The following PLCE1 variants were observed in gnomAD, a reference collection of about 807,000 sequenced individuals.
The protein encoded by PLCE1 is 1-phosphatidylinositol 4,5-bisphosphate phosphodiesterase epsilon-1.
PLCE1 carries 119 observed loss-of-function variants against 242.8 expected under a neutral mutation model. The ratio of observed to expected loss-of-function variants is 0.49; its 90% CI spans 0.42 to 0.57. PLCE1 has a LOEUF of 0.57. Ranked by LOEUF, PLCE1 falls within the 20% of genes least tolerant of loss-of-function variation. The pLI, the probability that PLCE1 is intolerant of heterozygous loss-of-function variation, is 0.00. For synonymous variants in PLCE1, 945 were observed against 1,017.4 expected (o/e 0.93, Z 1.35); for missense variants, 2,441 against 2,788.8 (o/e 0.88, Z 2.81).
chr10:94,316,963 C>A (rs1456889230), intron 29 of PLCE1, among the ~76,000 whole-genome samples: 1 of 152,190 alleles, frequency 6.6e-6, no homozygotes, highest in Non-Finnish European at 1.5e-5. Flanking sequence ...TAAAAAACAT[C>A]CCTTAGACCG....
intron 5 of PLCE1, among the ~76,000 whole-genome samples, chr10:94,233,760 C>G (rs1319320691): frequency 6.6e-6 from 1 of 151,974 alleles, no homozygotes; most frequent in Non-Finnish European, 1.5e-5. Flanking sequence ...CCAGCTTGGC[C>G]AACATGGCGA....
At chr10:94,087,685 C>T (rs2044884824) in intron 2 of PLCE1, among the ~76,000 whole-genome samples, 1 of 152,148 alleles carries the variant, frequency 6.6e-6, no homozygotes, top group Non-Finnish European at 1.5e-5. Context: ...TCAAGCCATC[C>T]TCCCACTTCG....
At position 94,270,500 on chromosome 10, in the gene PLCE1, C is replaced by T; in HGVS notation, c.4404C>T (p.Ala1468=). ...TKIPFKEVVE[A]IDRSAFINSD... Reference sequence around the variant, plus strand: ...GGCTCTCATAGGAAGTGGTTGAAGCCATTGATCGCAGTGCCTTCATCAACT... The same window carrying T: ...GGCTCTCATAGGAAGTGGTTGAAGCTATTGATCGCAGTGCCTTCATCAACT... The change falls in exon 18 of 33, where the codon GCC becomes GCT. Residue 1468 remains alanine (A), a synonymous_variant. Transcript: ENST00000371380. The T allele has an allele frequency of 2.5e-6, 4 of 1,612,274 alleles. No individual in the cohort carries two copies. The highest frequency in any genetic ancestry group is 3.4e-6 in the Non-Finnish European group (4 of 1,178,402).
At chr10:94,146,872 A>G (rs1211997950) in intron 3 of PLCE1, among the ~76,000 whole-genome samples, 1 of 152,216 alleles carries the variant, frequency 6.6e-6, no homozygotes, top group Non-Finnish European at 1.5e-5. Flanking sequence ...CTAATGGTAT[A>G]GTAAAGCCCG....
intron 4 of PLCE1, among the ~76,000 whole-genome samples, chr10:94,214,289 G>A (rs1163863556): frequency 1.3e-5 from 2 of 152,176 alleles, no homozygotes; most frequent in Non-Finnish European, 2.9e-5. Context: ...ATTTACCCTA[G>A]AGCTCACAGC....
intron 3 of PLCE1, among the ~76,000 whole-genome samples, chr10:94,149,197 C>T (rs1271924764): frequency 6.6e-6 from 1 of 152,190 alleles, no homozygotes; most frequent in African/African-American, 2.4e-5. Flanking sequence ...CTGCTAAACT[C>T]CTCAGTCAGT....
At chr10:94,155,329 C>T (rs1310342951) in intron 3 of PLCE1, among the ~76,000 whole-genome samples, 1 of 152,136 alleles carries the variant, frequency 6.6e-6, no homozygotes, top group Non-Finnish European at 1.5e-5. Flanking sequence ...ATACATATTA[C>T]AACATTGATA....
rs148832473 is a variant in PLCE1, at chr10:94,010,410, T to C, written c.-365+16152T>C. On this transcript the variant is annotated intron_variant, in intron 1 of 32. Coordinates refer to ENST00000371380, the MANE Select transcript of PLCE1 (RefSeq NM_016341.4). ...CCTTCAAGGCCTTTTTCCTGTTGTCTAGGATATTAGTACTTGGCTCTCTTT... is the reference window on the plus strand; with the variant it reads ...CCTTCAAGGCCTTTTTCCTGTTGTCCAGGATATTAGTACTTGGCTCTCTTT... 4.5e-3 allele frequency among the ~76,000 whole-genome samples: 693 copies of C among 152,360 alleles called. 2 individuals carry two copies. Among genetic ancestry groups the C allele is most frequent in the African/African-American group, 0.016 (646 of 41,576 alleles).
At chr10:94,164,879 T>C (rs950887355) in intron 3 of PLCE1, among the ~76,000 whole-genome samples, 5 of 152,198 alleles carry the variant, frequency 3.3e-5, no homozygotes, top group African/African-American at 1.2e-4. Context: ...TGCAGGTCTG[T>C]TGGAGTTTGC....
intron 2 of PLCE1, among the ~76,000 whole-genome samples, chr10:94,110,942 G>T (rs1191351894): frequency 6.6e-6 from 1 of 152,184 alleles, no homozygotes; most frequent in Non-Finnish European, 1.5e-5. Flanking sequence ...CGCACAAGAT[G>T]CCTGTAGCAT....
rs552356181 is a variant in PLCE1 at position 94,264,357 on chromosome 10, T to C, written c.4054-1290T>C. On this transcript the variant is annotated intron_variant, in intron 14 of 32. Transcript: ENST00000371380. ...CACAAAAAGCTGGTGTACTGTGAGC[T>C]GCACAAGCCAGGCAGAGAATGGCAG... Among the ~76,000 whole-genome samples, 3 of 152,182 alleles carry C rather than the reference T, an allele frequency of 2.0e-5. No homozygotes were observed. In the South Asian group the frequency reaches 6.2e-4, roughly 32 times the overall value.
chr10:94,245,853 C>T (rs998866610), intron 7 of PLCE1, 93 bp from the exon 8 acceptor site: 14 of 952,110 alleles, frequency 1.5e-5, no homozygotes, highest in East Asian at 7.2e-5. Flanking sequence ...ATTCATAGTG[C>T]GATGAAAAAT....
At chr10:94,163,439 T>G (rs1309267042) in intron 3 of PLCE1, among the ~76,000 whole-genome samples, 2 of 152,204 alleles carry the variant, frequency 1.3e-5, no homozygotes, top group Non-Finnish European at 2.9e-5. Context: ...TTGATCTTTG[T>G]TGGTCTAAAG....
intron 2 of PLCE1, among the ~76,000 whole-genome samples, chr10:94,051,302 A>AAAAAAAAG (rs2043759540): frequency 1.3e-5 from 2 of 150,724 alleles, no homozygotes; most frequent in African/African-American, 4.9e-5. Flanking sequence ...AAAAAAAAAA[A>AAAAAAAAG]AAAAAAAAAA....
rs1393313720 is a variant in PLCE1, at chr10:94,031,574, C to T, written c.528C>T (p.Gly176=). 1 of 1,612,360 alleles carries T rather than the reference C, an allele frequency of 6.2e-7. No homozygotes were observed. The highest frequency in any genetic ancestry group is 1.1e-5 in the South Asian group (1 of 91,070). Residue 176 remains glycine, a synonymous_variant, in exon 2 of 33, where the codon GGC becomes GGT. Transcript: ENST00000371380. ...ATCAGTCAGTGATCATAGAGACAGG[C>T]AGAGCACACCCTGACAGCAGAAGGG... ...LGNQSVIIET[G]RAHPDSRRAV... is the part of the protein sequence containing the mutation.
chr10:94,329,782 A>AAAAAAAAAAC lies in PLCE1; in HGVS notation c.*1848_*1849insCAAAAAAAAA. ...ACAGAGCGAGACTCCGTCTCAAAAAAAAAAAAAAAAAAAAAAAAAAAAAAA... is the reference window on the plus strand; with the variant it reads ...ACAGAGCGAGACTCCGTCTCAAAAAAAAAAAAAAACAAAAAAAAAAAAAAAAAAAAAAAAA... On this transcript the variant is annotated 3_prime_UTR_variant, in exon 33 of 33. Transcript: ENST00000371380. The AAAAAAAAAAC allele has an allele frequency of 9.1e-6, 1 of 109,844 alleles. No individual in the cohort carries two copies. The highest frequency in any genetic ancestry group is 3.3e-4 in the East Asian group (1 of 3,050). The allele number at this position is 109,844 out of a possible 1,614,324, so 6.8% of individuals were successfully genotyped here.
intron 29 of PLCE1, among the ~76,000 whole-genome samples, chr10:94,317,786 T>C (rs1481073954): frequency 1.3e-5 from 2 of 152,132 alleles, no homozygotes; most frequent in Non-Finnish European, 2.9e-5. Context: ...AAGAATGACA[T>C]ATAAGGTCAT....
intron 1 of PLCE1, among the ~76,000 whole-genome samples, chr10:94,022,975 T>G (rs570973449): frequency 1.3e-5 from 2 of 152,162 alleles, no homozygotes; most frequent in Non-Finnish European, 2.9e-5. Flanking sequence ...CCCTTTCAGT[T>G]TAAAGATGCA....
At chr10:94,009,415 A>G (rs1200449248) in intron 1 of PLCE1, among the ~76,000 whole-genome samples, 1 of 152,122 alleles carries the variant, frequency 6.6e-6, no homozygotes, top group Non-Finnish European at 1.5e-5. Flanking sequence ...ACAATTCAAC[A>G]TGGGATTTGG....
Sources: gnomAD v4.1 joint callset for allele counts (sites outside exome capture counted in the v4.1 genomes callset) on GRCh38, gnomAD v4.1.1 for gene constraint, MANE v1.5 for transcripts, NCBI Gene and HGNC (gene_info 2026-07-23, HGNC 2026-07-21) for gene names.